Variants in GLG1 observed in about 807,000 individuals in gnomAD.
GLG1 encodes Golgi apparatus protein 1.
A neutral mutation model predicts 160.5 loss-of-function variants in GLG1; 38 were observed. The observed-to-expected ratio is 0.24, with a 90% CI of 0.18 to 0.31. The LOEUF (loss-of-function observed/expected upper bound fraction) is 0.31, where lower values mean the gene tolerates loss of function less well. Ranked by LOEUF, GLG1 falls within the 10% of genes least tolerant of loss-of-function variation. The probability of loss-of-function intolerance (pLI) is 1.00; values close to 1 mark genes in which losing one functional copy is unlikely to be tolerated. For synonymous variants in GLG1, 644 were observed against 543.4 expected (o/e 1.19, Z -2.57); for missense variants, 1,373 against 1,505.2 (o/e 0.91, Z 1.45).
Position 74,465,801 on chromosome 16 carries a change from G to T in GLG1, c.2542C>A (p.Leu848Met). ...CTTAGCTGCTTCTTGTTTTCTTTCAGACATTCGATAATCTATGGCAAAAGA... is the reference window on the plus strand; with the variant it reads ...CTTAGCTGCTTCTTGTTTTCTTTCATACATTCGATAATCTATGGCAAAAGA... ...QYGNAQIIEC[L>M]KENKKQLSTR... The change falls in exon 19 of 26, where the codon CTG (leucine) becomes ATG (methionine). Residue 848 changes from leucine to methionine, a missense_variant. By Grantham distance (15) the Leu-to-Met change is conservative (BLOSUM62 2). Coordinates refer to ENST00000422840, the MANE Select transcript of GLG1 (RefSeq NM_001145667.2). 6.2e-7 allele frequency: 1 copy of T among 1,613,630 alleles called. No homozygotes were observed. Among genetic ancestry groups the T allele is most frequent in the Non-Finnish European group, 8.5e-7 (1 of 1,179,658 alleles).
intron 1 of GLG1, among the ~76,000 whole-genome samples, chr16:74,595,934 G>A (rs954625846): frequency 3.9e-5 from 6 of 152,052 alleles, no homozygotes; most frequent in African/African-American, 1.4e-4. Flanking sequence ...GATCAGCCTG[G>A]CCAACATGGC....
At chr16:74,601,072 T>C (rs909314383) in intron 1 of GLG1, among the ~76,000 whole-genome samples, 3 of 152,118 alleles carry the variant, frequency 2.0e-5, no homozygotes, top group East Asian at 1.9e-4. Context: ...AAATTCCATA[T>C]TGGCTCAAAC....
Position 74,470,055 on chromosome 16 carries a change from G to T in GLG1, c.2248C>A (p.Arg750=). ...GCCATTTTAAACTTGTAAGAAAACC[G>T]AAAATCCTTCATCTGCACCTGAAAG... ...HFQLVQMKDF[R]FSYKFKMACK... is the part of the protein sequence containing the mutation. Residue 750 remains arginine (R), a synonymous_variant, in exon 16 of 26, where the codon CGG becomes AGG. Coordinates refer to ENST00000422840, the MANE Select transcript of GLG1 (RefSeq NM_001145667.2). 6.2e-7 allele frequency: 1 copy of T among 1,605,758 alleles called. No homozygotes were observed.
intron 2 of GLG1, among the ~76,000 whole-genome samples, chr16:74,516,875 C>T (rs867476016): frequency 1.3e-5 from 2 of 152,212 alleles, no homozygotes; most frequent in African/African-American, 4.8e-5. Context: ...GGGGCTATCA[C>T]CACCGATCCC....
At chr16:74,580,745 T>A (rs80017740) in intron 1 of GLG1, among the ~76,000 whole-genome samples, 1 of 152,120 alleles carries the variant, frequency 6.6e-6, no homozygotes, top group Non-Finnish European at 1.5e-5. Context: ...AAGAAAATAT[T>A]TGCAGGTCAT....
At chr16:74,563,367 T>C (rs1480772261) in intron 1 of GLG1, 2 of 152,246 alleles carry the variant, frequency 1.3e-5, no homozygotes, top group African/African-American at 2.4e-5. Flanking sequence ...CCTTCATCAT[T>C]CTGAATGGCC....
chr16:74,558,792 C>A (rs1199057471), intron 1 of GLG1, among the ~76,000 whole-genome samples: 2 of 152,164 alleles, frequency 1.3e-5, no homozygotes, highest in Non-Finnish European at 2.9e-5. Flanking sequence ...ATAAATGTTT[C>A]AATCTGTCTT....
intron 1 of GLG1, among the ~76,000 whole-genome samples, chr16:74,536,825 ACTT>A (rs1233776518): frequency 1.3e-5 from 2 of 152,184 alleles, no homozygotes; most frequent in Non-Finnish European, 2.9e-5. Context: ...GAGGAAAAAA[ACTT>A]CTTCTCATCA....
At chr16:74,587,241 T>G (rs1958075409) in intron 1 of GLG1, among the ~76,000 whole-genome samples, 1 of 152,178 alleles carries the variant, frequency 6.6e-6, no homozygotes, top group African/African-American at 2.4e-5. Context: ...GATGATTACC[T>G]AGCTTACTGT....
intron 1 of GLG1, among the ~76,000 whole-genome samples, chr16:74,575,522 T>C (rs1389960201): frequency 6.6e-6 from 1 of 152,178 alleles, no homozygotes; most frequent in Admixed American, 6.5e-5. Context: ...TAACTACCAA[T>C]ATTAGAACTC....
intron 1 of GLG1, among the ~76,000 whole-genome samples, chr16:74,574,137 A>G (rs1740793648): frequency 6.6e-6 from 1 of 152,226 alleles, no homozygotes; most frequent in South Asian, 2.1e-4. Flanking sequence ...CTAAAGGTCT[A>G]AAGAACACTA....
At position 74,470,524 on chromosome 16, in the gene GLG1, C is replaced by T. The variant is rs369993694; in HGVS notation, c.2230-451G>A. Among the ~76,000 whole-genome samples the T allele has an allele frequency of 2.2e-4, 33 of 147,962 alleles. No homozygotes were observed. In the East Asian group the frequency reaches 6.0e-3, roughly 27 times the overall value. ...AGTGCAGTTGTGCGATCTCGGCTCA[C>T]TGCAACCTCTGCCTCCCGGGTTCAA... On this transcript the variant is annotated intron_variant, in intron 15 of 25. Transcript: ENST00000422840.
intron 1 of GLG1, among the ~76,000 whole-genome samples, chr16:74,559,749 T>G (rs1334454639): frequency 6.6e-6 from 1 of 152,186 alleles, no homozygotes; most frequent in Non-Finnish European, 1.5e-5. Context: ...GACTTCATTT[T>G]TCATCTTCAG....
chr16:74,505,339 C>A (rs765286599), intron 3 of GLG1, among the ~76,000 whole-genome samples: 6 of 152,232 alleles, frequency 3.9e-5, no homozygotes, highest in Non-Finnish European at 8.8e-5. Flanking sequence ...TAGTCTCACA[C>A]TGGTTTCAGA....
chr16:74,472,062 G>A (rs779973122), intron 14 of GLG1, among the ~76,000 whole-genome samples: 1 of 151,902 alleles, frequency 6.6e-6, no homozygotes, highest in South Asian at 2.1e-4. Flanking sequence ...GTACCACCAC[G>A]CCCAGCTAAT....
At chr16:74,503,387 A>AG in intron 4 of GLG1, 144 bp downstream of exon 4, 1 of 645,970 alleles carries the variant, frequency 1.5e-6, no homozygotes, top group Non-Finnish European at 2.8e-6. Context: ...AACCAGCCTT[A>AG]GCTCTTAGGG....
intron 2 of GLG1, among the ~76,000 whole-genome samples, chr16:74,531,444 G>A (rs1468938761): frequency 6.6e-6 from 1 of 152,142 alleles, no homozygotes; most frequent in Non-Finnish European, 1.5e-5. Context: ...TCAGCCTCCA[G>A]AGTAGCTGGG....
At chr16:74,455,917 A>G (rs983126015) in intron 25 of GLG1, among the ~76,000 whole-genome samples, 1 of 152,208 alleles carries the variant, frequency 6.6e-6, no homozygotes, top group Non-Finnish European at 1.5e-5. Context: ...AAAGCAATGT[A>G]TGCACGAGAA....
intron 1 of GLG1, among the ~76,000 whole-genome samples, chr16:74,579,448 G>A (rs867692720): frequency 2.6e-5 from 4 of 151,818 alleles, no homozygotes; most frequent in African/African-American, 9.7e-5. Flanking sequence ...TTGGCCAGGC[G>A]CAGTGGCTCA....
Sources: allele counts gnomAD v4.1 joint callset (sites outside exome capture counted in the v4.1 genomes callset), GRCh38; gene constraint gnomAD v4.1.1; transcripts MANE v1.5; gene names NCBI Gene and HGNC (gene_info 2026-07-23, HGNC 2026-07-21).